Variants in ABCA7 observed in about 807,000 individuals in gnomAD.
The protein encoded by ABCA7 is phospholipid-transporting ATPase ABCA7.
In ABCA7, 261 loss-of-function variants were observed where a neutral mutation model predicts 227.6. The observed-to-expected ratio is 1.15, with a 90% CI of 1.04 to 1.27. ABCA7 has a LOEUF of 1.27. Among genes scored for constraint, ABCA7 ranks in the 50% most tolerant of loss-of-function variants. ABCA7 has a pLI of 0.00. For missense variants in ABCA7, 3,331 were observed against 2,924.5 expected (o/e 1.14, Z -3.21); for synonymous variants, 1,488 against 1,279.7 (o/e 1.16, Z -3.47).
chr19:1,054,103 G>A lies in ABCA7; in HGVS notation c.3570G>A (p.Gly1190=). 6.2e-7 allele frequency: 1 copy of A among 1,613,206 alleles called. No homozygotes were observed. The highest frequency in any genetic ancestry group is 8.5e-7 in the Non-Finnish European group (1 of 1,179,950). Residue 1190 remains glycine (G), a synonymous_variant, in exon 26 of 47, where the codon GGG becomes GGA. Coordinates refer to ENST00000263094, the MANE Select transcript of ABCA7 (RefSeq NM_019112.4). The surrounding 1 kb of genome is among the most constrained non-coding windows in gnomAD (Gnocchi z 4.8). ...CACAGGAGACAGCGCTGGAGAACGG[G>A]GAACCAGGTAAGTCCTTCCCAGTGG... ...MPPQETALEN[G]EPAGSAPETD...
chr19:1,050,562 G>A (rs1174056698), intron 18 of ABCA7, among the ~76,000 whole-genome samples: 5 of 151,896 alleles, frequency 3.3e-5, no homozygotes, highest in Non-Finnish European at 1.5e-5. Context: ...ACGAGGTCAG[G>A]AGATTGAGAT....
rs2042723814 is a variant in ABCA7, at chr19:1,062,458, C to T, written c.5712+145C>T. 4 of 1,293,150 alleles carry T rather than the reference C, an allele frequency of 3.1e-6. No homozygotes were observed. The South Asian group carries it at 4.3e-5, about 14-fold the overall frequency. The allele number at this position is 1,293,150 out of a possible 1,614,324, so 80.1% of individuals were successfully genotyped here. ...CCAGACCGTGCTTCCTTCCCCTATA[C>T]CTCTGTCCCCCATCCTGGTCCAATA... On this transcript the variant is annotated intron_variant, in intron 42 of 46. Transcript: ENST00000263094.
chr19:1,042,470 C>T (rs775577517), intron 6 of ABCA7, 73 bp downstream of exon 6: 5 of 1,568,444 alleles, frequency 3.2e-6, no homozygotes, highest in East Asian at 2.3e-5. Context: ...CTGCCCCACC[C>T]CGGGCCAAGG....
At chr19:1,051,880 C>T (rs2041665798) in intron 21 of ABCA7, 62 bp from the exon 22 acceptor site, 1 of 1,578,376 alleles carries the variant, frequency 6.3e-7, no homozygotes, top group South Asian at 1.1e-5. Flanking sequence ...CTGGCAGAGG[C>T]CCCAGCTCGG....
intron 17 of ABCA7, 95 bp from the exon 18 acceptor site, chr19:1,049,171 C>A: frequency 7.0e-7 from 1 of 1,423,318 alleles, no homozygotes; most frequent in Non-Finnish European, 9.5e-7. Flanking sequence ...AGGCCCCGGC[C>A]CAGCAGGTCC....
At chr19:1,042,698 CT>C in intron 6 of ABCA7, 47 bp from the exon 7 acceptor site, 1 of 1,579,294 alleles carries the variant, frequency 6.3e-7, no homozygotes, top group South Asian at 1.1e-5. Context: ...CGCTGGACCC[CT>C]AGTGAGTGTT....
intron 21 of ABCA7, 23 bp from the exon 22 acceptor site, chr19:1,051,919 G>T (rs1429409527): frequency 1.2e-6 from 2 of 1,606,024 alleles, no homozygotes; most frequent in Admixed American, 1.7e-5. Flanking sequence ...GATGGTAGTT[G>T]TGGGTTGGTC....
At chr19:1,043,559 G>T in intron 9 of ABCA7, 86 bp downstream of exon 9, 2 of 1,598,010 alleles carry the variant, frequency 1.3e-6, no homozygotes, top group South Asian at 2.2e-5. Context: ...GGGCCAGGCC[G>T]GAGGGTCACG....
At chr19:1,064,699 A>C (rs2042925240) in intron 45 of ABCA7, 1 of 664,486 alleles carries the variant, frequency 1.5e-6, no homozygotes, top group Non-Finnish European at 2.4e-6. Flanking sequence ...TGGGCAACCT[A>C]GGGAGACCCC....
Position 1,044,238 on chromosome 19 carries a change from C to CTTTTTT in ABCA7, c.1048-319_1048-314dup, listed in dbSNP as rs4147941. Among the ~76,000 whole-genome samples the CTTTTTT allele has an allele frequency of 7.2e-5, 5 of 69,670 alleles. No homozygotes were observed. The East Asian group carries it at 1.0e-3, about 14-fold the overall frequency. The allele number at this position is 69,670 out of a possible 152,430, so 45.7% of individuals were successfully genotyped here. On this transcript the variant is annotated intron_variant, in intron 10 of 46. Coordinates refer to ENST00000263094, the MANE Select transcript of ABCA7 (RefSeq NM_019112.4). ...TACAGGCGTGAACTACCACGTCCTG[C>CTTTTTT]TTTTTTTTTTTTTTTTTTTTTTTTT...
intron 18 of ABCA7, 127 bp from the exon 19 acceptor site, chr19:1,050,794 T>TAATAATAAC (rs2041526014): frequency 5.5e-6 from 1 of 181,224 alleles, no homozygotes; most frequent in African/African-American, 4.0e-5. Flanking sequence ...ATAATAATAA[T>TAATAATAAC]AATAATAATA....
intron 12 of ABCA7, 72 bp downstream of exon 12, chr19:1,045,303 G>A: frequency 7.3e-7 from 1 of 1,377,900 alleles, no homozygotes; most frequent in Non-Finnish European, 9.9e-7. Context: ...GGGCCAGGCA[G>A]CATTCAGCCT....
At chr19:1,051,097 A>G in intron 19 of ABCA7, 45 bp downstream of exon 19, 1 of 1,611,282 alleles carries the variant, frequency 6.2e-7, no homozygotes, top group Non-Finnish European at 8.5e-7. Context: ...AAGGGACTGG[A>G]CGCCCTCTGG....
chr19:1,047,290 G>T lies in ABCA7; in HGVS notation c.1979G>T (p.Gly660Val). ...CGCGCCAACCTGGCTGCGGCCTGCG[G>T]CGGCCTGGCCTACTTCTCCCTCTAC... ...FSRANLAAAC[G>V]GLAYFSLYLP... Residue 660 changes from glycine (G) to valine (V), a missense_variant, in exon 15 of 47, where the codon GGC becomes GTC. Gly to Val is a moderately radical substitution (Grantham distance 109, BLOSUM62 -3). Transcript: ENST00000263094. 6.2e-7 allele frequency: 1 copy of T among 1,605,320 alleles called. No homozygotes were observed. The highest frequency in any genetic ancestry group is 8.5e-7 in the Non-Finnish European group (1 of 1,179,084).
rs1473739726 is a variant in ABCA7 at position 1,058,745 on chromosome 19, A to G, written c.5277A>G (p.Pro1759=). Residue 1759 remains proline (P), a splice_region_variant and synonymous_variant, in exon 38 of 47, where the codon CCA becomes CCG. Transcript: ENST00000263094. ...LLLQHRSQLL[P]QPRVRSLPLL... Reference sequence around the variant, plus strand: ...TGCAGCACCGAAGCCAACTCCTGCCACAGTTAGTGAGGTCTATGGAGAGGG... The same window carrying G: ...TGCAGCACCGAAGCCAACTCCTGCCGCAGTTAGTGAGGTCTATGGAGAGGG... The G allele has an allele frequency of 5.0e-6, 8 of 1,613,554 alleles. No homozygotes were observed. Among genetic ancestry groups the G allele is most frequent in the Non-Finnish European group, 6.8e-6 (8 of 1,179,868 alleles).
In ABCA7 at chr19:1,056,967, C is replaced by T; in HGVS notation, c.4647C>T (p.Val1549=). 1.2e-6 allele frequency: 2 copies of T among 1,614,096 alleles called. No homozygotes were observed. The highest frequency in any genetic ancestry group is 1.7e-6 in the Non-Finnish European group (2 of 1,180,016). ...SICVVFAMSF[V]PASFTLVLIE... is the part of the protein sequence containing the mutation. ...GTGTGGTCTTTGCCATGTCCTTTGT[C>T]CCGGCCAGCTTCACTCTTGTCCTCA... is the stretch of plus-strand genomic sequence containing the variant. The change falls in exon 34 of 47, where the codon GTC becomes GTT. Residue 1549 remains valine, a synonymous_variant. Coordinates refer to ENST00000263094, the MANE Select transcript of ABCA7 (RefSeq NM_019112.4). This position sits in a 1 kb window ranked among gnomAD's most constrained non-coding sequence, Gnocchi z 4.3.
chr19:1,064,806 G>C (rs1399606645), intron 45 of ABCA7, 125 bp from the exon 46 acceptor site: 15 of 1,387,952 alleles, frequency 1.1e-5, no homozygotes, highest in Admixed American at 3.0e-5. Flanking sequence ...GAGACGGGAG[G>C]ACCACTTGAT....
chr19:1,043,422 G>A lies in ABCA7; in HGVS notation c.879G>A (p.Gly293=), dbSNP rs773931881. 6.2e-7 allele frequency: 1 copy of A among 1,613,456 alleles called. No individual in the cohort carries two copies. The highest frequency in any genetic ancestry group is 1.1e-5 in the South Asian group (1 of 91,090). Residue 293 remains glycine (G), a synonymous_variant, in exon 9 of 47, where the codon GGG becomes GGA. Transcript: ENST00000263094. ...GACGCCTGAAGCCTCTGATCCTCGGGAAGCTACTCTTTGCACCAGATACAC... is the reference window on the plus strand; with the variant it reads ...GACGCCTGAAGCCTCTGATCCTCGGAAAGCTACTCTTTGCACCAGATACAC... ...LWRRLKPLIL[G]KLLFAPDTPF...
rs762231249 is a variant in ABCA7, at chr19:1,045,236, G to C, written c.1445+5G>C. On this transcript the variant is annotated splice_donor_5th_base_variant and intron_variant, in intron 12 of 46. Transcript: ENST00000263094. ...GACCAATAAGATCAGGGACAGGTCA[G>C]GCGAGGGAGGGGGCGGGGGGATGAG... 2 of 1,608,192 alleles carry C rather than the reference G, an allele frequency of 1.2e-6. No individual in the cohort carries two copies. The highest frequency in any genetic ancestry group is 1.1e-5 in the South Asian group (1 of 91,024).
Sources: allele counts gnomAD v4.1 joint callset (sites outside exome capture counted in the v4.1 genomes callset), GRCh38; gene constraint gnomAD v4.1.1; non-coding constraint Gnocchi (gnomAD v3.1); transcripts MANE v1.5; gene names NCBI Gene and HGNC (gene_info 2026-07-23, HGNC 2026-07-21).